Variants in XKR6 observed in about 807,000 individuals in gnomAD.
XKR6 encodes the protein XK-related protein 6.
In XKR6, 22 loss-of-function variants were observed where a neutral mutation model predicts 56.7. That is an observed-to-expected ratio of 0.39 (90% CI 0.28 to 0.55). The LOEUF (loss-of-function observed/expected upper bound fraction) is 0.55. Among genes scored for constraint, XKR6 ranks in the 20% least tolerant of loss-of-function variants. XKR6 has a pLI of 0.66. For missense variants in XKR6, 852 were observed against 889.0 expected (o/e 0.96, Z 0.53); for synonymous variants, 524 against 387.8 (o/e 1.35, Z -4.13).
Position 11,074,984 on chromosome 8 carries a change from C to A in XKR6, c.764+125592G>T, listed in dbSNP as rs527874448. 2.0e-5 allele frequency among the ~76,000 whole-genome samples: 3 copies of A among 152,288 alleles called. No homozygotes were observed. The South Asian group carries it at 6.2e-4, about 32-fold the overall frequency. ...CATGGGGCAGCAGACCAGACCAGGA[C>A]GCAGAGCAGAGCCTGGGGAGAGGAG... On this transcript the variant is annotated intron_variant, in intron 1 of 2. Transcript: ENST00000416569.
At chr8:11,122,550 G>A (rs1799508668) in intron 1 of XKR6, among the ~76,000 whole-genome samples, 1 of 152,124 alleles carries the variant, frequency 6.6e-6, no homozygotes, top group Admixed American at 6.5e-5. Context: ...AGCAGTGGCA[G>A]GTATAAGATT....
At chr8:10,941,531 T>A (rs1029864285) in intron 1 of XKR6, among the ~76,000 whole-genome samples, 110 of 152,302 alleles carry the variant, frequency 7.2e-4, no homozygotes, top group African/African-American at 2.5e-3. Flanking sequence ...TGCAGGACCT[T>A]CAGCCCCGCA....
chr8:11,109,058 C>G lies in XKR6; in HGVS notation c.764+91518G>C, dbSNP rs530940749. 3.4e-4 allele frequency: 52 copies of G among 152,296 alleles called. 1 individual carries two copies. Among genetic ancestry groups the G allele is most frequent in the African/African-American group, 1.3e-3 (52 of 41,562 alleles). The allele number at this position is 152,296 out of a possible 1,614,324, so 9.4% of individuals were successfully genotyped here. A position where few individuals can be genotyped will look rare whatever the true frequency, so the allele number is the denominator to read the frequency against. On this transcript the variant is annotated intron_variant, in intron 1 of 2. Coordinates refer to ENST00000416569, the MANE Select transcript of XKR6 (RefSeq NM_173683.4). ...AGATTTCTGAATTCTCAGTGATATGCCGGGCTATGAAGTGCAGTGACCAAG... is the reference window on the plus strand; with the variant it reads ...AGATTTCTGAATTCTCAGTGATATGGCGGGCTATGAAGTGCAGTGACCAAG...
chr8:11,088,071 T>G (rs9657520), intron 1 of XKR6, among the ~76,000 whole-genome samples: 1 of 152,208 alleles, frequency 6.6e-6, no homozygotes, highest in Non-Finnish European at 1.5e-5. Flanking sequence ...ACAAGATAAG[T>G]AGCTTCAAGA....
chr8:11,000,516 G>A (rs1212378531), intron 1 of XKR6, among the ~76,000 whole-genome samples: 4 of 151,986 alleles, frequency 2.6e-5, no homozygotes, highest in South Asian at 4.2e-4. Flanking sequence ...TGAAACCCCC[G>A]TCTACTAAAA....
intron 1 of XKR6, among the ~76,000 whole-genome samples, chr8:11,076,476 G>C (rs960663066): frequency 7.2e-5 from 11 of 152,220 alleles, no homozygotes; most frequent in African/African-American, 2.7e-4. Flanking sequence ...CAGAGGAGCA[G>C]TGACGCCATG....
chr8:11,117,741 T>A (rs1234573064), intron 1 of XKR6, among the ~76,000 whole-genome samples: 1 of 152,064 alleles, frequency 6.6e-6, no homozygotes, highest in African/African-American at 2.4e-5. Context: ...AAACCACTTA[T>A]AAACAAACAA....
chr8:11,168,033 G>A (rs1037559883), intron 1 of XKR6, among the ~76,000 whole-genome samples: 2 of 150,104 alleles, frequency 1.3e-5, no homozygotes, highest in Non-Finnish European at 3.0e-5. Flanking sequence ...ACAAAAAAAA[G>A]AGATACATAA....
At chr8:11,101,706 C>A (rs768597510) in intron 1 of XKR6, among the ~76,000 whole-genome samples, 3 of 152,222 alleles carry the variant, frequency 2.0e-5, no homozygotes, top group Non-Finnish European at 4.4e-5. Context: ...GCAACTCTCA[C>A]TCCTTAGCAT....
At chr8:11,173,450 T>G (rs867271613) in intron 1 of XKR6, among the ~76,000 whole-genome samples, 1 of 150,404 alleles carries the variant, frequency 6.6e-6, no homozygotes. Context: ...GAGAACAGAG[T>G]TCTGCTCCTA....
chr8:11,066,183 G>A (rs1020998400), intron 1 of XKR6, among the ~76,000 whole-genome samples: 1 of 152,184 alleles, frequency 6.6e-6, no homozygotes, highest in Non-Finnish European at 1.5e-5. Context: ...CCTGTGGCTT[G>A]CCTCTGCCCA....
At position 11,014,320 on chromosome 8, in the gene XKR6, C is replaced by A. The variant is rs1011611897; in HGVS notation, c.765-89490G>T. 1.1e-4 allele frequency among the ~76,000 whole-genome samples: 17 copies of A among 152,218 alleles called. No homozygotes were observed. In the East Asian group the frequency reaches 1.9e-3, roughly 17 times the overall value. Reference sequence around the variant, plus strand: ...TCTGGAAAAACTGTTTTAAAAATGACCAGATTTTCAAAAGCAGGCACAGGA... The same window carrying A: ...TCTGGAAAAACTGTTTTAAAAATGAACAGATTTTCAAAAGCAGGCACAGGA... On this transcript the variant is annotated intron_variant, in intron 1 of 2. Coordinates refer to ENST00000416569, the MANE Select transcript of XKR6 (RefSeq NM_173683.4).
intron 1 of XKR6, among the ~76,000 whole-genome samples, chr8:10,939,946 C>T (rs1241294682): frequency 6.6e-6 from 1 of 152,234 alleles, no homozygotes; most frequent in Non-Finnish European, 1.5e-5. Context: ...CCAGGTGTGT[C>T]CCCTGAGTGT....
chr8:11,137,854 A>G (rs1020453255), intron 1 of XKR6: 1 of 365,362 alleles, frequency 2.7e-6, no homozygotes, highest in African/African-American at 2.1e-5. Context: ...ATGAGGAAAT[A>G]ATGGAAAAAG....
chr8:11,047,295 A>G lies in XKR6; in HGVS notation c.765-122465T>C, dbSNP rs566697028. On this transcript the variant is annotated intron_variant, in intron 1 of 2. Coordinates refer to ENST00000416569, the MANE Select transcript of XKR6 (RefSeq NM_173683.4). ...GTTTCCTTTTGTCAACTACACCTCA[A>G]TAAAGCTGGGAGGGGAAGCAGAGTT... 3.9e-5 allele frequency among the ~76,000 whole-genome samples: 6 copies of G among 152,332 alleles called. No homozygotes were observed. In the South Asian group the frequency reaches 8.3e-4, roughly 21 times the overall value.
chr8:11,060,438 T>C (rs1011920356), intron 1 of XKR6, among the ~76,000 whole-genome samples: 1 of 152,198 alleles, frequency 6.6e-6, no homozygotes, highest in African/African-American at 2.4e-5. Flanking sequence ...AGTGCCTTGA[T>C]GGCGCCACCC....
chr8:11,043,221 G>GGA (rs1238214221), intron 1 of XKR6, among the ~76,000 whole-genome samples: 3 of 106,676 alleles, frequency 2.8e-5, no homozygotes, highest in African/African-American at 6.5e-5. Flanking sequence ...AAGAGGAAGA[G>GGA]AAAAAAAAAA....
chr8:11,142,806 C>G (rs1158424988), intron 1 of XKR6, among the ~76,000 whole-genome samples: 1 of 152,134 alleles, frequency 6.6e-6, no homozygotes, highest in Non-Finnish European at 1.5e-5. Flanking sequence ...CAAGAACAGC[C>G]TAATACATCA....
intron 1 of XKR6, among the ~76,000 whole-genome samples, chr8:11,009,232 CG>C (rs1798445271): frequency 6.6e-6 from 1 of 152,060 alleles, no homozygotes. Flanking sequence ...AGGGTTTGGC[CG>C]GGCATGGTGA....
Sources: gnomAD v4.1 joint callset for allele counts (sites outside exome capture counted in the v4.1 genomes callset) on GRCh38, gnomAD v4.1.1 for gene constraint, MANE v1.5 for transcripts, NCBI Gene and HGNC (gene_info 2026-07-23, HGNC 2026-07-21) for gene names.